KATNIP: variants seen among roughly 807,000 people sequenced by gnomAD.
KATNIP encodes the protein katanin-interacting protein.
A neutral mutation model predicts 174.0 loss-of-function variants in KATNIP; 126 were observed. The ratio of observed to expected loss-of-function variants is 0.72; its 90% confidence interval spans 0.63 to 0.84. The LOEUF (loss-of-function observed/expected upper bound fraction) is 0.84. KATNIP is among the 40% of genes least tolerant of loss of function. The probability of loss-of-function intolerance (pLI) is 0.00; values close to 1 mark genes in which losing one functional copy is unlikely to be tolerated. For synonymous variants in KATNIP, 810 were observed against 835.7 expected (o/e 0.97, Z 0.53); for missense variants, 1,958 against 2,109.7 (o/e 0.93, Z 1.41).
chr16:27,587,310 C>T (rs372043855), intron 2 of KATNIP, among the ~76,000 whole-genome samples: 24 of 152,332 alleles, frequency 1.6e-4, no homozygotes, highest in African/African-American at 3.6e-4. Context: ...ACACCGTGTT[C>T]CATCAGCTGG....
At chr16:27,654,642 G>A in intron 6 of KATNIP, 1 of 1,352,046 alleles carries the variant, frequency 7.4e-7, no homozygotes, top group Non-Finnish European at 9.8e-7. Flanking sequence ...AAGCCCTGTG[G>A]TTTTAACTTC....
chr16:27,762,062 C>A (rs1045565783), intron 19 of KATNIP, among the ~76,000 whole-genome samples: 1 of 152,144 alleles, frequency 6.6e-6, no homozygotes, highest in Admixed American at 6.5e-5. Context: ...CTGCACTTGT[C>A]AGATTTCATA....
At chr16:27,717,166 A>G (rs1368930904) in intron 13 of KATNIP, among the ~76,000 whole-genome samples, 1 of 152,130 alleles carries the variant, frequency 6.6e-6, no homozygotes, top group Non-Finnish European at 1.5e-5. Flanking sequence ...TTATGTCATT[A>G]CCAGAGTTGG....
chr16:27,557,095 G>A (rs1405685576), intron 1 of KATNIP, among the ~76,000 whole-genome samples: 2 of 151,668 alleles, frequency 1.3e-5, no homozygotes, highest in African/African-American at 4.8e-5. Context: ...AGGTGAAGGC[G>A]ATATGGGAAT....
At chr16:27,606,486 CACACACACACACAG>C (rs920356679) in intron 2 of KATNIP, among the ~76,000 whole-genome samples, 1 of 151,918 alleles carries the variant, frequency 6.6e-6, no homozygotes, top group Non-Finnish European at 1.5e-5. Flanking sequence ...CATACACACA[CACACACACACACAG>C]ACACACACAC....
chr16:27,766,290 T>A lies in KATNIP; in HGVS notation c.3810-19T>A. 1.9e-6 allele frequency: 3 copies of A among 1,613,022 alleles called. No individual in the cohort carries two copies. Among genetic ancestry groups the A allele is most frequent in the Non-Finnish European group, 2.5e-6 (3 of 1,179,712 alleles). Reference sequence around the variant, plus strand: ...GCCCACTGAGCCGCCCCCCTGCCGCTCCGTCCCCATTGCTGCAGGTTAATT... The same window carrying A: ...GCCCACTGAGCCGCCCCCCTGCCGCACCGTCCCCATTGCTGCAGGTTAATT... On this transcript the variant is annotated intron_variant, in intron 19 of 27. Transcript: ENST00000261588.
chr16:27,704,654 A>G (rs1341012748), intron 12 of KATNIP, among the ~76,000 whole-genome samples: 1 of 152,182 alleles, frequency 6.6e-6, no homozygotes, highest in Non-Finnish European at 1.5e-5. Flanking sequence ...AGTATAATAC[A>G]TCAGCACGAT....
intron 6 of KATNIP, among the ~76,000 whole-genome samples, chr16:27,665,136 T>C (rs1185473095): frequency 6.6e-6 from 1 of 151,552 alleles, no homozygotes; most frequent in African/African-American, 2.4e-5. Context: ...GTTTTTTTTT[T>C]TTTTTCTTGA....
Position 27,751,804 on chromosome 16 carries a change from C to T in KATNIP, c.3432C>T (p.Asp1144=). 5 of 1,614,180 alleles carry T rather than the reference C, an allele frequency of 3.1e-6. No homozygotes were observed. Among genetic ancestry groups the T allele is most frequent in the Non-Finnish European group, 4.2e-6 (5 of 1,180,034 alleles). ...EAIFYSDEMF[D]LDVGSLDSLQ... ...TATTCTATTCTGATGAGATGTTTGA[C>T]CTGGATGTGGGGAGCCTGGACAGCC... The change falls in exon 17 of 28, where the codon GAC becomes GAT. Residue 1144 remains aspartate (D), a synonymous_variant. Transcript: ENST00000261588.
At chr16:27,567,183 C>G (rs2090124539) in intron 1 of KATNIP, among the ~76,000 whole-genome samples, 1 of 152,198 alleles carries the variant, frequency 6.6e-6, no homozygotes, top group Admixed American at 6.5e-5. Context: ...TCTGACAGAC[C>G]ACCTGCCCCA....
chr16:27,775,209 A>C (rs2082454093), intron 24 of KATNIP, 125 bp downstream of exon 24: 1 of 1,208,584 alleles, frequency 8.3e-7, no homozygotes, highest in Non-Finnish European at 1.1e-6. Context: ...GATGCTTGGG[A>C]GCTGTCAGAA....
At position 27,721,584 on chromosome 16, in the gene KATNIP, C is replaced by A; in HGVS notation, c.1632C>A (p.Thr544=). The A allele has an allele frequency of 1.2e-6, 2 of 1,614,172 alleles. No homozygotes were observed. Among genetic ancestry groups the A allele is most frequent in the Non-Finnish European group, 1.7e-6 (2 of 1,180,006 alleles). Residue 544 remains threonine, a synonymous_variant, in exon 14 of 28, where the codon ACC becomes ACA. Transcript: ENST00000261588. ...LAGKKDSSPW[T]CPFHPPLQLF... The stretch of plus-strand genomic sequence containing the variant: ...GCAAGAAAGACTCCTCCCCGTGGAC[C>A]TGCCCCTTCCACCCACCACTCCAGC...
intron 20 of KATNIP, 40 bp downstream of exon 20, chr16:27,766,514 G>A (rs374308830): frequency 2.5e-6 from 4 of 1,577,606 alleles, no homozygotes; most frequent in African/African-American, 2.7e-5. Context: ...TCCAGCATCA[G>A]GGAAGCAGCA....
chr16:27,583,658 C>G (rs1234129737), intron 2 of KATNIP, among the ~76,000 whole-genome samples: 1 of 152,210 alleles, frequency 6.6e-6, no homozygotes, highest in Non-Finnish European at 1.5e-5. Flanking sequence ...TGTGGTCCCC[C>G]AAGTCTGACA....
At chr16:27,623,682 A>G (rs1271552495) in intron 3 of KATNIP, among the ~76,000 whole-genome samples, 1 of 151,976 alleles carries the variant, frequency 6.6e-6, no homozygotes, top group Non-Finnish European at 1.5e-5. Flanking sequence ...CTTCTCCCCA[A>G]ATTGACATCC....
chr16:27,717,230 C>A (rs1181389862), intron 13 of KATNIP, among the ~76,000 whole-genome samples: 1 of 152,108 alleles, frequency 6.6e-6, no homozygotes, highest in Non-Finnish European at 1.5e-5. Flanking sequence ...TGACATCCTT[C>A]CAAATTGTTG....
intron 6 of KATNIP, among the ~76,000 whole-genome samples, chr16:27,668,140 C>T (rs1279132035): frequency 2.0e-5 from 3 of 152,198 alleles, no homozygotes; most frequent in African/African-American, 7.2e-5. Flanking sequence ...TTTCATCCCT[C>T]TCTGGAGACC....
intron 2 of KATNIP, among the ~76,000 whole-genome samples, chr16:27,583,085 A>C (rs2090759911): frequency 6.6e-6 from 1 of 152,198 alleles, no homozygotes; most frequent in African/African-American, 2.4e-5. Flanking sequence ...GTTTAACAAC[A>C]ACAGGGCCAA....
chr16:27,699,923 T>A (rs968561746), intron 10 of KATNIP, among the ~76,000 whole-genome samples: 19 of 152,098 alleles, frequency 1.2e-4, no homozygotes, highest in African/African-American at 2.4e-4. Context: ...TTATTTTTTT[T>A]TTTTTGAGAC....
Sources: gnomAD v4.1 joint callset for allele counts (sites outside exome capture counted in the v4.1 genomes callset) on GRCh38, gnomAD v4.1.1 for gene constraint, MANE v1.5 for transcripts, NCBI Gene and HGNC (gene_info 2026-07-23, HGNC 2026-07-21) for gene names.